Variants in SLC39A11 observed in about 807,000 individuals in gnomAD.
SLC39A11 encodes the protein zinc transporter ZIP11.
Under a neutral mutation model 36.1 loss-of-function variants are expected in SLC39A11, and 33 were observed. The ratio of observed to expected loss-of-function variants is 0.91; its 90% CI spans 0.69 to 1.22. The LOEUF (loss-of-function observed/expected upper bound fraction) is 1.22. Among genes scored for constraint, SLC39A11 ranks in the 50% most tolerant of loss-of-function variants. The probability of loss-of-function intolerance (pLI) is 0.00; values close to 1 mark genes in which losing one functional copy is unlikely to be tolerated. For synonymous variants in SLC39A11, 166 were observed against 170.3 expected, an observed-to-expected ratio of 0.97 and a Z score of 0.20; for missense variants, 432 against 430.3, an observed-to-expected ratio of 1.00 and a Z score of -0.03.
At chr17:72,945,715 T>C (rs1425677867) in intron 5 of SLC39A11, among the ~76,000 whole-genome samples, 1 of 152,036 alleles carries the variant, frequency 6.6e-6, no homozygotes, top group Non-Finnish European at 1.5e-5. Flanking sequence ...CTGGGTTACA[T>C]CTCCCTCCCA....
chr17:72,926,057 C>T (rs1329962144), intron 5 of SLC39A11, among the ~76,000 whole-genome samples: 2 of 152,208 alleles, frequency 1.3e-5, no homozygotes, highest in Non-Finnish European at 2.9e-5. Flanking sequence ...CCTGGGGTCC[C>T]ATGTGAGCCC....
chr17:72,958,781 G>A (rs550660855), intron 4 of SLC39A11, among the ~76,000 whole-genome samples: 126 of 151,990 alleles, frequency 8.3e-4, no homozygotes, highest in African/African-American at 2.9e-3. Flanking sequence ...AACCTGGGAG[G>A]CGGAGGTTGC....
intron 5 of SLC39A11, among the ~76,000 whole-genome samples, chr17:72,917,491 T>C (rs2083399845): frequency 6.6e-6 from 1 of 152,172 alleles, no homozygotes; most frequent in Admixed American, 6.5e-5. Context: ...ACAAAGAGCA[T>C]GACCACTTCT....
intron 5 of SLC39A11, among the ~76,000 whole-genome samples, chr17:72,882,360 TAAA>T (rs11332921): frequency 3.8e-4 from 48 of 126,226 alleles, no homozygotes; most frequent in African/African-American, 8.5e-4. Flanking sequence ...TTCCTATATC[TAAA>T]AAAAAAAAAA....
intron 6 of SLC39A11, chr17:72,822,134 G>A (rs1224688586): frequency 1.3e-5 from 2 of 151,016 alleles, no homozygotes; most frequent in Non-Finnish European, 3.0e-5. Flanking sequence ...AGGTCCCTAT[G>A]AAGATGTCTT....
At chr17:72,704,436 A>T (rs1365521933) in intron 7 of SLC39A11, among the ~76,000 whole-genome samples, 1 of 152,188 alleles carries the variant, frequency 6.6e-6, no homozygotes, top group East Asian at 1.9e-4. Flanking sequence ...CATCATTTAG[A>T]TTAAAGAAGT....
intron 3 of SLC39A11, among the ~76,000 whole-genome samples, chr17:73,057,659 C>T (rs1003876519): frequency 1.1e-4 from 16 of 152,164 alleles, no homozygotes; most frequent in African/African-American, 3.9e-4. Flanking sequence ...AGGCTGAGGC[C>T]AGGCGCGGTG....
chr17:72,791,477 T>A (rs2076701451), intron 6 of SLC39A11, among the ~76,000 whole-genome samples: 1 of 152,090 alleles, frequency 6.6e-6, no homozygotes, highest in African/African-American at 2.4e-5. Flanking sequence ...AGGAAAAAGT[T>A]TGACAGCCAC....
At chr17:73,076,159 CAA>C (rs200415892) in intron 3 of SLC39A11, among the ~76,000 whole-genome samples, 10 of 118,256 alleles carry the variant, frequency 8.5e-5, no homozygotes, top group Non-Finnish European at 9.2e-5. Context: ...ATGCCTCAGG[CAA>C]AAAAAAAAAA....
chr17:72,678,080 A>G (rs2071352114), intron 7 of SLC39A11, among the ~76,000 whole-genome samples: 1 of 152,194 alleles, frequency 6.6e-6, no homozygotes, highest in Non-Finnish European at 1.5e-5. Flanking sequence ...TCCATGTTTC[A>G]ATGGCATTTT....
At chr17:73,086,932 T>A (rs2060750925) in intron 2 of SLC39A11, among the ~76,000 whole-genome samples, 1 of 151,948 alleles carries the variant, frequency 6.6e-6, no homozygotes, top group Non-Finnish European at 1.5e-5. Context: ...GGTGTATGCA[T>A]GTAATCCCAG....
intron 3 of SLC39A11, among the ~76,000 whole-genome samples, chr17:73,082,480 TTTTTG>T (rs1433121448): frequency 6.6e-6 from 1 of 152,148 alleles, no homozygotes; most frequent in Non-Finnish European, 1.5e-5. Flanking sequence ...ATTTTTTTCT[TTTTTG>T]TTTTGTTTTT....
rs190092598 is a variant in SLC39A11, at chr17:72,997,513, A to G, written c.306+34043T>C. On this transcript the variant is annotated intron_variant, in intron 4 of 9. Transcript: ENST00000255559. ...AGTGATCCTCCTGCCTCGGCCTCCCAAAGTGCTGGGATTACAGGCGTGAGC... is the reference window on the plus strand; with the variant it reads ...AGTGATCCTCCTGCCTCGGCCTCCCGAAGTGCTGGGATTACAGGCGTGAGC... Among the ~76,000 whole-genome samples, 8 of 152,204 alleles carry G rather than the reference A, an allele frequency of 5.3e-5. No individual in the cohort carries two copies. The East Asian group carries it at 5.8e-4, about 11-fold the overall frequency.
Position 72,862,453 on chromosome 17 carries a change from C to G in SLC39A11, c.431-12649G>C, listed in dbSNP as rs1399989492. 2.6e-5 allele frequency among the ~76,000 whole-genome samples: 4 copies of G among 152,164 alleles called. No individual in the cohort carries two copies. The South Asian group carries it at 6.2e-4, about 24-fold the overall frequency. On this transcript the variant is annotated intron_variant, in intron 5 of 9. Transcript: ENST00000255559. ...AAGAATGGACCCTGCTTGGTGAACC[C>G]TAAGAATTAATGGAGCAGAGCAGAA... is the stretch of plus-strand genomic sequence containing the variant.
chr17:72,734,211 C>T (rs980837564), intron 7 of SLC39A11, among the ~76,000 whole-genome samples: 1 of 152,132 alleles, frequency 6.6e-6, no homozygotes, highest in Non-Finnish European at 1.5e-5. Flanking sequence ...CTACATCTTG[C>T]CACCCAAGAA....
intron 5 of SLC39A11, among the ~76,000 whole-genome samples, chr17:72,877,354 G>A (rs918663851): frequency 2.0e-5 from 3 of 152,148 alleles, no homozygotes; most frequent in Admixed American, 6.5e-5. Context: ...TAATTCACAA[G>A]GCAAAATTAT....
intron 5 of SLC39A11, among the ~76,000 whole-genome samples, chr17:72,907,277 C>T (rs1162931674): frequency 1.3e-5 from 2 of 152,130 alleles, no homozygotes; most frequent in Non-Finnish European, 2.9e-5. Flanking sequence ...ATCATTTGAG[C>T]TCAGGAGTTC....
chr17:73,033,299 A>G, intron 3 of SLC39A11, among the ~76,000 whole-genome samples: 1 of 152,246 alleles, frequency 6.6e-6, no homozygotes, highest in East Asian at 1.9e-4. Context: ...TGCCATAGGC[A>G]GTAAGTAGCA....
chr17:73,031,596 G>T lies in SLC39A11; in HGVS notation c.266C>A (p.Ala89Glu). 1 of 1,614,142 alleles carries T rather than the reference G, an allele frequency of 6.2e-7. No homozygotes were observed. The highest frequency in any genetic ancestry group is 8.5e-7 in the Non-Finnish European group (1 of 1,180,036). Reference sequence around the variant, plus strand: ...GAGGTCAGCCAAGTAGACAAAAGCCGCTCCAAGGGTGAAGCCAACAGCCAC... The same window carrying T: ...GAGGTCAGCCAAGTAGACAAAAGCCTCTCCAAGGGTGAAGCCAACAGCCAC... ...FPVAVGFTLG[A>E]AFVYLADLLM... Residue 89 changes from alanine to glutamate, a missense_variant, in exon 4 of 10, where the codon GCG becomes GAG. Transcript: ENST00000255559.
Sources: gnomAD v4.1 joint callset for allele counts (sites outside exome capture counted in the v4.1 genomes callset) on GRCh38, gnomAD v4.1.1 for gene constraint, MANE v1.5 for transcripts, NCBI Gene and HGNC (gene_info 2026-07-23, HGNC 2026-07-21) for gene names.